Variants in CDK8 observed in about 807,000 individuals in gnomAD.
CDK8 encodes cyclin-dependent kinase 8.
CDK8 carries 29 observed loss-of-function variants against 71.5 expected under a neutral mutation model. The ratio of observed to expected loss-of-function variants is 0.41; its 90% CI spans 0.30 to 0.55. The LOEUF is 0.55. Among genes scored for constraint, CDK8 ranks in the 20% least tolerant of loss-of-function variants. CDK8 has a pLI of 0.37. For missense variants in CDK8, 288 were observed against 572.6 expected, an observed-to-expected ratio of 0.50 and a Z score of 5.07; for synonymous variants, 161 against 192.1, an observed-to-expected ratio of 0.84 and a Z score of 1.34.
chr13:26,372,975 A>G (rs567545515), intron 4 of CDK8, among the ~76,000 whole-genome samples: 4 of 152,258 alleles, frequency 2.6e-5, no homozygotes, highest in Admixed American at 2.6e-4. Context: ...CCTGTGAATT[A>G]TGCCATACCC....
chr13:26,353,967 G>A, intron 4 of CDK8, 87 bp downstream of exon 4: 4 of 1,147,446 alleles, frequency 3.5e-6, no homozygotes, highest in East Asian at 4.7e-5. Flanking sequence ...AGTGCTATAT[G>A]TAGGCCTGCA....
chr13:26,400,471 A>G lies in CDK8; in HGVS notation c.952A>G (p.Met318Val), dbSNP rs749854415. 6.2e-7 allele frequency: 1 copy of G among 1,611,724 alleles called. No homozygotes were observed. The highest frequency in any genetic ancestry group is 8.5e-7 in the Non-Finnish European group (1 of 1,177,900). ...ATTTCAGCTTCAGAAGCTGCTTACCATGGACCCAATAAAGCGAATTACCTC... is the reference window on the plus strand; with the variant it reads ...ATTTCAGCTTCAGAAGCTGCTTACCGTGGACCCAATAAAGCGAATTACCTC... ...AFHLLQKLLTMDPIKRITSEQ... is the reference protein window; with the variant it reads ...AFHLLQKLLTVDPIKRITSEQ... Residue 318 changes from methionine (M) to valine (V), a missense_variant, in exon 10 of 13, where the codon ATG becomes GTG. Met to Val is a conservative substitution (Grantham distance 21). This residue lies in a region of CDK8 where 96 missense variants were observed against 229.8 expected (regional missense o/e 0.42). Transcript: ENST00000381527.
intron 4 of CDK8, among the ~76,000 whole-genome samples, chr13:26,364,541 A>C (rs1874294603): frequency 6.6e-6 from 1 of 152,170 alleles, no homozygotes; most frequent in Non-Finnish European, 1.5e-5. Flanking sequence ...AATCAGTAGA[A>C]TTTAAGGAAA....
intron 1 of CDK8, among the ~76,000 whole-genome samples, chr13:26,301,241 A>G (rs535305397): frequency 7.1e-6 from 1 of 141,130 alleles, no homozygotes; most frequent in African/African-American, 2.6e-5. Context: ...TTTTGCCTAC[A>G]GAAAGTCAAA....
chr13:26,339,923 G>C (rs1225248022), intron 2 of CDK8, among the ~76,000 whole-genome samples: 1 of 149,970 alleles, frequency 6.7e-6, no homozygotes, highest in Non-Finnish European at 1.5e-5. Flanking sequence ...TTTCTTTACC[G>C]AGCTGGTTAG....
In CDK8 at chr13:26,254,855, C is replaced by A. The variant is rs1229310834; in HGVS notation, c.128+86C>A. On this transcript the variant is annotated intron_variant, in intron 1 of 12. Coordinates refer to ENST00000381527, the MANE Select transcript of CDK8 (RefSeq NM_001260.3). The surrounding 1 kb of genome is among the most constrained non-coding windows in gnomAD (Gnocchi z 6.7). ...GTAGCCCGGAGGGAGAGCGGGCCGCCGGGGTGCCGGGCTCTGACTTCCTCG... is the reference window on the plus strand; with the variant it reads ...GTAGCCCGGAGGGAGAGCGGGCCGCAGGGGTGCCGGGCTCTGACTTCCTCG... 10 of 1,534,506 alleles carry A rather than the reference C, an allele frequency of 6.5e-6. No individual in the cohort carries two copies. Among genetic ancestry groups the A allele is most frequent in the Non-Finnish European group, 8.8e-6 (10 of 1,135,410 alleles).
chr13:26,381,664 T>C (rs774627102), intron 4 of CDK8, among the ~76,000 whole-genome samples: 8 of 152,164 alleles, frequency 5.3e-5, no homozygotes, highest in Non-Finnish European at 8.8e-5. Flanking sequence ...GGGCAAGTCA[T>C]TTAACCTCTC....
intron 1 of CDK8, among the ~76,000 whole-genome samples, chr13:26,329,893 C>A (rs1189629711): frequency 6.6e-6 from 1 of 152,180 alleles, no homozygotes; most frequent in Non-Finnish European, 1.5e-5. Context: ...CTACTTGCTG[C>A]TAGTCTTTAC....
Position 26,254,527 on chromosome 13 carries a change from CCGGCGGGCGTAGAGCGGG to C in CDK8, c.-111_-94del. 1 of 818,824 alleles carries C rather than the reference CCGGCGGGCGTAGAGCGGG, an allele frequency of 1.2e-6. No homozygotes were observed. The highest frequency in any genetic ancestry group is 1.9e-6 in the Non-Finnish European group (1 of 537,338). The allele number at this position is 818,824 out of a possible 1,614,324, so 50.7% of individuals were successfully genotyped here. On this transcript the variant is annotated 5_prime_UTR_variant, in exon 1 of 13. It removes the in-frame stop codon of an upstream open reading frame in the 5' UTR. Transcript: ENST00000381527. This position sits in a 1 kb window ranked among gnomAD's most constrained non-coding sequence, Gnocchi z 6.7. The stretch of plus-strand genomic sequence containing the variant: ...CGCATCAGTCGGGCTGGTGCTGCGG[CCGGCGGGCGTAGAGCGGG>C]CGGGTTCCCGGGGGCTGCGGCTGCC...
chr13:26,272,131 A>G (rs1027719630), intron 1 of CDK8, among the ~76,000 whole-genome samples: 1 of 151,988 alleles, frequency 6.6e-6, no homozygotes, highest in Non-Finnish European at 1.5e-5. Flanking sequence ...AGATTAAAAC[A>G]CAAACATTGT....
chr13:26,282,596 C>G (rs1352500166), intron 1 of CDK8, among the ~76,000 whole-genome samples: 4 of 152,164 alleles, frequency 2.6e-5, no homozygotes, highest in Admixed American at 2.6e-4. Context: ...CCTTGAAATA[C>G]ACCAAAATAG....
At chr13:26,339,698 T>TATTTATTTATTC (rs1873145483) in intron 2 of CDK8, among the ~76,000 whole-genome samples, 1 of 122,328 alleles carries the variant, frequency 8.2e-6, no homozygotes, top group African/African-American at 3.5e-5. Flanking sequence ...CTTTCCATTT[T>TATTTATTTATTC]ATTTATTTAT....
chr13:26,274,845 A>G (rs1872503439), intron 1 of CDK8, among the ~76,000 whole-genome samples: 1 of 152,120 alleles, frequency 6.6e-6, no homozygotes, highest in Admixed American at 6.5e-5. Context: ...GACTTCTTAA[A>G]TGTGTAATCA....
chr13:26,378,461 A>T (rs1875060222), intron 4 of CDK8, among the ~76,000 whole-genome samples: 1 of 152,192 alleles, frequency 6.6e-6, no homozygotes, highest in Admixed American at 6.5e-5. Context: ...GCCTGGGAGA[A>T]ATAAAACAAC....
At chr13:26,331,239 G>C (rs915674872) in intron 1 of CDK8, among the ~76,000 whole-genome samples, 3 of 152,184 alleles carry the variant, frequency 2.0e-5, no homozygotes, top group Admixed American at 2.0e-4. Context: ...ATCTTTGTAT[G>C]TCTTCTTTTG....
At chr13:26,394,927 A>G (rs1875912901) in intron 7 of CDK8, among the ~76,000 whole-genome samples, 1 of 152,204 alleles carries the variant, frequency 6.6e-6, no homozygotes, top group Non-Finnish European at 1.5e-5. Context: ...CAGAAAGTAG[A>G]GTGAAGATAA....
At chr13:26,402,360 G>C (rs1470994991) in intron 12 of CDK8, among the ~76,000 whole-genome samples, 3 of 152,076 alleles carry the variant, frequency 2.0e-5, no homozygotes, top group African/African-American at 7.2e-5. Context: ...TTTGAAAATT[G>C]TATACCACCT....
chr13:26,347,030 C>G (rs2137988480), intron 2 of CDK8, among the ~76,000 whole-genome samples: 1 of 152,258 alleles, frequency 6.6e-6, no homozygotes, highest in Middle Eastern at 3.4e-3. Flanking sequence ...CCTGTTTTAA[C>G]TGATAAAGAC....
chr13:26,368,871 C>T (rs1470448889), intron 4 of CDK8, among the ~76,000 whole-genome samples: 2 of 152,056 alleles, frequency 1.3e-5, no homozygotes, highest in Non-Finnish European at 2.9e-5. Flanking sequence ...TGGTAAATTA[C>T]ATTTATATTG....
Sources: gnomAD v4.1 joint callset for allele counts (sites outside exome capture counted in the v4.1 genomes callset) on GRCh38, gnomAD v4.1.1 for gene constraint, gnomAD v4.1.1 regional missense constraint, Gnocchi (gnomAD v3.1) non-coding constraint, MANE v1.5 for transcripts, NCBI Gene and HGNC (gene_info 2026-07-23, HGNC 2026-07-21) for gene names.